The following NAA38 variants were observed in gnomAD, a reference collection of about 807,000 sequenced individuals.
NAA38 encodes the protein N-alpha-acetyltransferase 38, NatC auxiliary subunit, also known as LSM domain containing 1.
NAA38 carries 15 observed loss-of-function variants against 12.6 expected under a neutral mutation model. The ratio of observed to expected loss-of-function variants is 1.19; its 90% CI spans 0.79 to 1.83. The LOEUF is 1.83. Ranked by LOEUF, NAA38 falls within the 40% of genes most tolerant of loss-of-function variation. NAA38 has a pLI of 0.00. For synonymous variants in NAA38, 88 were observed against 69.9 expected (o/e 1.26, Z -1.29); for missense variants, 183 against 171.7 (o/e 1.07, Z -0.37).
intron 1 of NAA38, chr17:7,885,005 C>G: frequency 1.6e-6 from 2 of 1,240,808 alleles, no homozygotes; most frequent in Non-Finnish European, 2.0e-6. Flanking sequence ...CCGCCACAGC[C>G]CCCCCGGCTG....
chr17:7,874,144 G>A (rs1040054362), intron 2 of NAA38, among the ~76,000 whole-genome samples: 3 of 152,206 alleles, frequency 2.0e-5, no homozygotes, highest in Non-Finnish European at 2.9e-5. Flanking sequence ...GATAGGAAAA[G>A]AGGTGAAGAT....
upstream of NAA38, chr17:7,858,470 G>C (rs1254078347): frequency 6.2e-7 from 1 of 1,614,102 alleles, no homozygotes; most frequent in African/African-American, 1.3e-5. Context: ...TTGATCCAAA[G>C]ACCAGAGACG....
chr17:7,860,095 G>T (rs74578237), upstream of NAA38: 2,881 of 174,498 alleles, frequency 0.017, 160 homozygotes, highest in East Asian at 0.2. Context: ...AAGGAAGTGC[G>T]TCATTATAGG....
At chr17:7,884,887 G>A in intron 1 of NAA38, 4 of 1,364,564 alleles carry the variant, frequency 2.9e-6, no homozygotes, top group Non-Finnish European at 3.9e-6. Flanking sequence ...AGGAAGAAGA[G>A]GGCGACGAGG....
chr17:7,870,262 A>AAAAAT (rs957975097), intron 2 of NAA38, among the ~76,000 whole-genome samples: 13 of 152,136 alleles, frequency 8.5e-5, no homozygotes, highest in Admixed American at 2.0e-4. Context: ...ACTCTGTCTT[A>AAAAAT]AAAATAAAAT....
At chr17:7,859,424 C>T (rs1461545774), upstream of NAA38, 2 of 1,614,114 alleles carry the variant, frequency 1.2e-6, no homozygotes, top group South Asian at 1.1e-5. Flanking sequence ...ACACCGCTAT[C>T]TCCCCTATAA....
At chr17:7,870,880 C>G (rs1270313687) in intron 2 of NAA38, among the ~76,000 whole-genome samples, 1 of 137,676 alleles carries the variant, frequency 7.3e-6, no homozygotes, top group Non-Finnish European at 1.5e-5. Context: ...CAGAGCAAGA[C>G]TCCACCTCAA....
At chr17:7,882,786 G>A (rs1296334869) in intron 2 of NAA38, among the ~76,000 whole-genome samples, 3 of 152,102 alleles carry the variant, frequency 2.0e-5, no homozygotes, top group Admixed American at 6.5e-5. Flanking sequence ...AAAAATGTGC[G>A]TCATCTTCCC....
At chr17:7,877,702 G>A (rs76833657) in intron 2 of NAA38, among the ~76,000 whole-genome samples, 10,203 of 152,144 alleles carry the variant, frequency 0.067, 687 homozygotes, top group East Asian at 0.38. Context: ...GGAACTCTGT[G>A]TCAAAAAACA....
intron 1 of NAA38, 31 bp downstream of exon 1, chr17:7,857,352 C>T (rs765015283): frequency 1.2e-6 from 2 of 1,613,260 alleles, no homozygotes; most frequent in Admixed American, 1.7e-5. Context: ...CTTGACTGCC[C>T]CTCAGTCCCA....
intron 1 of NAA38, among the ~76,000 whole-genome samples, chr17:7,884,287 AT>A (rs1457121624): frequency 1.5e-5 from 2 of 137,436 alleles, no homozygotes; most frequent in Non-Finnish European, 3.1e-5. Flanking sequence ...CCCTTTCTTT[AT>A]GGAGGGGGTG....
chr17:7,872,588 C>T (rs576818836), intron 2 of NAA38, among the ~76,000 whole-genome samples: 2 of 152,304 alleles, frequency 1.3e-5, no homozygotes, highest in East Asian at 3.9e-4. Context: ...GTCTTGAACT[C>T]CTGACCTTGT....
chr17:7,873,546 T>C (rs1484906987), intron 2 of NAA38, among the ~76,000 whole-genome samples: 1 of 152,110 alleles, frequency 6.6e-6, no homozygotes, highest in Non-Finnish European at 1.5e-5. Context: ...GTCCAGAGTA[T>C]TTCTTTCAAA....
chr17:7,871,261 C>A (rs1158457699), intron 2 of NAA38, among the ~76,000 whole-genome samples: 2 of 152,114 alleles, frequency 1.3e-5, no homozygotes, highest in Non-Finnish European at 2.9e-5. Context: ...ATTTAACCTC[C>A]CTTTGTCTGT....
chr17:7,874,136 T>C (rs184329859), intron 2 of NAA38, among the ~76,000 whole-genome samples: 9 of 151,890 alleles, frequency 5.9e-5, no homozygotes, highest in South Asian at 2.1e-4. Flanking sequence ...TTAAGCTGGA[T>C]AGGAAAAGAG....
chr17:7,865,917 T>C (rs1459551758), intron 3 of NAA38: 1 of 152,100 alleles, frequency 6.6e-6, no homozygotes, highest in Non-Finnish European at 1.5e-5. Flanking sequence ...TTCATTAAAA[T>C]GATACTGAGC....
intron 2 of NAA38, among the ~76,000 whole-genome samples, chr17:7,879,058 A>G (rs1362308630): frequency 6.6e-6 from 1 of 151,880 alleles, no homozygotes; most frequent in Non-Finnish European, 1.5e-5. Context: ...TATCAGAAAT[A>G]TATCCTCTCA....
upstream of NAA38, chr17:7,857,601 G>A (rs1451982611): frequency 4.0e-5 from 55 of 1,373,546 alleles, no homozygotes; most frequent in Non-Finnish European, 5.1e-5. Flanking sequence ...CCTCGGCAAC[G>A]GCACAGATCT....
Position 7,856,715 on chromosome 17 carries a change from G to T in NAA38, c.*16C>A, listed in dbSNP as rs1005187078. 6.2e-7 allele frequency: 1 copy of T among 1,601,292 alleles called. No individual in the cohort carries two copies. Among genetic ancestry groups the T allele is most frequent in the Non-Finnish European group, 8.6e-7 (1 of 1,168,530 alleles). ...TCATAAGTTTAATGAAGTCTGAAAG[G>T]TAAGCGCCATCGTGGTCAGAGATAC... is the stretch of plus-strand genomic sequence containing the variant. On this transcript the variant is annotated 3_prime_UTR_variant, in exon 3 of 3. Transcript: ENST00000575771.
Sources: gnomAD v4.1 joint callset for allele counts (sites outside exome capture counted in the v4.1 genomes callset) on GRCh38, gnomAD v4.1.1 for gene constraint, MANE v1.5 for transcripts, NCBI Gene and HGNC (gene_info 2026-07-23, HGNC 2026-07-21) for gene names.